The following PALLD variants were observed in gnomAD, a reference collection of about 807,000 sequenced individuals.
PALLD encodes the protein palladin, cytoskeletal associated protein.
Under a neutral mutation model 123.5 loss-of-function variants are expected in PALLD, and 61 were observed. The ratio of observed to expected loss-of-function variants is 0.49; its 90% CI spans 0.40 to 0.61. The LOEUF is 0.61. PALLD is among the 20% of genes least tolerant of loss of function. The pLI, the probability that PALLD is intolerant of heterozygous loss-of-function variation, is 0.00. For synonymous variants in PALLD, 465 were observed against 496.4 expected (o/e 0.94, Z 0.84); for missense variants, 1,273 against 1,377.0 (o/e 0.92, Z 1.20).
At chr4:168,660,960 A>G (rs1779077051) in intron 2 of PALLD, among the ~76,000 whole-genome samples, 1 of 150,214 alleles carries the variant, frequency 6.7e-6, no homozygotes, top group Admixed American at 6.7e-5. Flanking sequence ...GCTGGAGTGC[A>G]GTGGCACGAT....
rs1241348619 is a variant in PALLD at position 168,894,594 on chromosome 4, G to A, written c.2116G>A (p.Glu706Lys). The change falls in exon 12 of 22, where the codon GAA becomes AAA. Residue 706 changes from glutamate (E) to lysine (K), a missense_variant. Physicochemically the swap from Glu to Lys is moderately conservative, Grantham distance 56. This residue lies in a region of PALLD where 944 missense variants were observed against 954.5 expected (regional missense o/e 0.99). Coordinates refer to ENST00000505667, the MANE Select transcript of PALLD (RefSeq NM_001166108.2). ...CGTTGTTTAGAGGTTAACATACGAA[G>A]AAAGAATGGCTCGTCGACTGCTAGG... ...NNGQPRLTYE[E>K]RMARRLLGAD... is the part of the protein sequence containing the mutation. 17 of 1,613,070 alleles carry A rather than the reference G, an allele frequency of 1.1e-5. No individual in the cohort carries two copies. Among genetic ancestry groups the A allele is most frequent in the Non-Finnish European group, 1.4e-5 (17 of 1,179,158 alleles).
intron 2 of PALLD, among the ~76,000 whole-genome samples, chr4:168,552,848 T>A (rs1238989078): frequency 1.3e-5 from 2 of 151,948 alleles, no homozygotes; most frequent in South Asian, 2.1e-4. Context: ...GCTAATTTTT[T>A]AATTTTTAAT....
At chr4:168,580,314 G>T (rs896456575) in intron 2 of PALLD, among the ~76,000 whole-genome samples, 6 of 151,630 alleles carry the variant, frequency 4.0e-5, no homozygotes, top group Admixed American at 6.6e-5. Flanking sequence ...ATGGGCAAAG[G>T]ACATGAACAG....
At chr4:168,546,919 T>A (rs1766194176) in intron 2 of PALLD, among the ~76,000 whole-genome samples, 1 of 152,238 alleles carries the variant, frequency 6.6e-6, no homozygotes, top group Non-Finnish European at 1.5e-5. Flanking sequence ...TTTATTCACA[T>A]GAACAACTGT....
intron 2 of PALLD, among the ~76,000 whole-genome samples, chr4:168,528,548 G>A (rs997611567): frequency 3.3e-5 from 5 of 152,114 alleles, no homozygotes; most frequent in African/African-American, 4.8e-5. Flanking sequence ...CAGTTATCTC[G>A]CAAGCTCTGT....
At chr4:168,626,403 A>G (rs1478644050) in intron 2 of PALLD, among the ~76,000 whole-genome samples, 1 of 96,148 alleles carries the variant, frequency 1.0e-5, no homozygotes. Flanking sequence ...TCCATCTCAA[A>G]AAAAAAAAAA....
At chr4:168,561,752 C>T (rs1767890284) in intron 2 of PALLD, among the ~76,000 whole-genome samples, 1 of 152,104 alleles carries the variant, frequency 6.6e-6, no homozygotes, top group Non-Finnish European at 1.5e-5. Flanking sequence ...CAAAGCTTAG[C>T]TTTACTTGAA....
At chr4:168,687,389 A>T (rs548333007) in intron 6 of PALLD, among the ~76,000 whole-genome samples, 1 of 152,350 alleles carries the variant, frequency 6.6e-6, no homozygotes, top group South Asian at 2.1e-4. Context: ...GATGTTTAGA[A>T]CAGAAAATGT....
rs142462412 is a variant in PALLD, at chr4:168,827,077, T to C, written c.1965-63845T>C. The stretch of plus-strand genomic sequence containing the variant: ...CTGCAGACCTGGTTGTCATTCTCCC[T>C]GTGACATAGCATTTGATGTCCACTG... On this transcript the variant is annotated intron_variant, in intron 10 of 21. Coordinates refer to ENST00000505667, the MANE Select transcript of PALLD (RefSeq NM_001166108.2). Among the ~76,000 whole-genome samples, 580 of 152,378 alleles carry C rather than the reference T, an allele frequency of 3.8e-3. 4 individuals carry two copies. Among genetic ancestry groups the C allele is most frequent in the African/African-American group, 0.014 (563 of 41,594 alleles).
At chr4:168,767,239 A>G (rs1200607463) in intron 10 of PALLD, among the ~76,000 whole-genome samples, 2 of 152,158 alleles carry the variant, frequency 1.3e-5, no homozygotes, top group African/African-American at 4.8e-5. Flanking sequence ...TTCAGCCTCC[A>G]TCGTCATCTC....
At chr4:168,667,454 C>T (rs2150009422) in intron 2 of PALLD, among the ~76,000 whole-genome samples, 1 of 152,178 alleles carries the variant, frequency 6.6e-6, no homozygotes, top group South Asian at 2.1e-4. Context: ...ATGTAAAGGC[C>T]ACCAAATGCT....
rs1216017154 is a variant in PALLD, at chr4:168,661,893, C to A, written c.909-6297C>A. 2.0e-5 allele frequency among the ~76,000 whole-genome samples: 3 copies of A among 152,146 alleles called. No individual in the cohort carries two copies. The East Asian group carries it at 5.8e-4, about 29-fold the overall frequency. ...TAAAAATATAATGACAACTACTTCA[C>A]AAGGTACTTGTGAAAATAAAATAAG... is the stretch of plus-strand genomic sequence containing the variant. On this transcript the variant is annotated intron_variant, in intron 2 of 21. Coordinates refer to ENST00000505667, the MANE Select transcript of PALLD (RefSeq NM_001166108.2).
At chr4:168,771,698 C>T (rs1302908849) in intron 10 of PALLD, among the ~76,000 whole-genome samples, 1 of 152,172 alleles carries the variant, frequency 6.6e-6, no homozygotes, top group Non-Finnish European at 1.5e-5. Context: ...CATCACCCCC[C>T]AAACACACCC....
intron 2 of PALLD, among the ~76,000 whole-genome samples, chr4:168,522,855 T>C (rs1341750501): frequency 2.6e-5 from 4 of 152,272 alleles, no homozygotes; most frequent in Non-Finnish European, 4.4e-5. Flanking sequence ...AAACTGCTGG[T>C]CTCCTGAACT....
intron 10 of PALLD, among the ~76,000 whole-genome samples, chr4:168,791,773 T>C (rs987144639): frequency 2.2e-4 from 33 of 152,324 alleles, no homozygotes; most frequent in African/African-American, 7.2e-4. Context: ...GACAACAAAC[T>C]ATGAACAAAG....
At chr4:168,674,338 G>T (rs919940233) in intron 3 of PALLD, among the ~76,000 whole-genome samples, 2 of 152,176 alleles carry the variant, frequency 1.3e-5, no homozygotes, top group African/African-American at 4.8e-5. Context: ...GGAGCATCAG[G>T]ATATAGATGG....
chr4:168,866,160 G>A (rs77218858), intron 10 of PALLD, among the ~76,000 whole-genome samples: 2,302 of 152,152 alleles, frequency 0.015, 42 homozygotes, highest in South Asian at 0.074. Flanking sequence ...AGCTGCTCAT[G>A]AGGCTGAGGC....
intron 10 of PALLD, among the ~76,000 whole-genome samples, chr4:168,857,363 T>C (rs1455453574): frequency 2.6e-5 from 4 of 152,218 alleles, no homozygotes; most frequent in South Asian, 4.1e-4. Context: ...ATGAACCCCA[T>C]TGTAGACTTC....
At chr4:168,627,465 G>T (rs1775410806) in intron 2 of PALLD, among the ~76,000 whole-genome samples, 1 of 152,044 alleles carries the variant, frequency 6.6e-6, no homozygotes, top group Non-Finnish European at 1.5e-5. Flanking sequence ...AGCCAAGATT[G>T]TACAATTGCA....
Sources: gnomAD v4.1 joint callset for allele counts (sites outside exome capture counted in the v4.1 genomes callset) on GRCh38, gnomAD v4.1.1 for gene constraint, gnomAD v4.1.1 regional missense constraint, MANE v1.5 for transcripts, NCBI Gene and HGNC (gene_info 2026-07-23, HGNC 2026-07-21) for gene names.